The following FRMPD4 variants were observed in gnomAD, a reference collection of about 807,000 sequenced individuals.
The protein encoded by FRMPD4 is FERM and PDZ domain containing 4, also known as FERM and PDZ domain-containing protein 4.
A neutral mutation model predicts 94.1 loss-of-function variants in FRMPD4; 22 were observed. The observed-to-expected ratio is 0.23, with a 90% CI of 0.17 to 0.33. The LOEUF (loss-of-function observed/expected upper bound fraction) is 0.33, where lower values mean the gene tolerates loss of function less well. Ranked by LOEUF, FRMPD4 falls within the 10% of genes least tolerant of loss-of-function variation. The pLI is 1.00. For missense variants in FRMPD4, 1,111 were observed against 1,339.9 expected, an observed-to-expected ratio of 0.83 and a Z score of 2.67; for synonymous variants, 631 against 548.6, an observed-to-expected ratio of 1.15 and a Z score of -2.10.
intron 2 of FRMPD4, among the ~76,000 whole-genome samples, chrX:12,567,804 G>A (rs1389218340): frequency 1.8e-5 from 2 of 111,379 alleles, no homozygotes; most frequent in Non-Finnish European, 3.8e-5. Context: ...GTTCTGAAGA[G>A]CCCTGTATGC....
intron 2 of FRMPD4, among the ~76,000 whole-genome samples, chrX:12,596,261 C>T (rs1474982961): frequency 9.0e-6 from 1 of 111,211 alleles, no homozygotes; most frequent in Non-Finnish European, 1.9e-5. Context: ...ATGCTGGGCT[C>T]ACTGGTGGGG....
At position 12,716,351 on chromosome X, in the gene FRMPD4, T is replaced by C. The variant is rs754183854; in HGVS notation, c.1892T>C (p.Leu631Ser). 4 of 1,209,980 alleles carry C rather than the reference T, an allele frequency of 3.3e-6. No homozygotes were observed. The highest frequency in any genetic ancestry group is 4.5e-6 in the Non-Finnish European group (4 of 895,021). Residue 631 changes from leucine to serine, a missense_variant, in exon 15 of 17, where the codon TTG (leucine) becomes TCG (serine). By Grantham distance (145) the Leu-to-Ser change is moderately radical. Transcript: ENST00000675598. ...DYRSLAQRSL[L>S]TLSGPETLKK... ...AGAAGTCTAGCTCAGCGGTCCCTAT[T>C]GACCCTCTCAGGACCAGAAACTCTG...
intron 1 of FRMPD4, among the ~76,000 whole-genome samples, chrX:12,411,783 C>G (rs1487714943): frequency 9.0e-6 from 1 of 111,301 alleles, no homozygotes; most frequent in Non-Finnish European, 1.9e-5. Context: ...TCGTCAGTGT[C>G]ACTGCATGGT....
At chrX:12,594,769 C>T (rs1481079449) in intron 2 of FRMPD4, among the ~76,000 whole-genome samples, 2 of 111,715 alleles carry the variant, frequency 1.8e-5, no homozygotes, top group East Asian at 5.6e-4. Flanking sequence ...TTTATTCTTT[C>T]CCTGGGATTT....
chrX:12,270,417 C>A (rs1017076373), intron 1 of FRMPD4, among the ~76,000 whole-genome samples: 2 of 111,370 alleles, frequency 1.8e-5, no homozygotes, highest in African/African-American at 6.5e-5. Flanking sequence ...TTGTTAATTT[C>A]CCTTAGGGAA....
chrX:12,017,832 G>C (rs1370930267), intron 3 of FRMPD4, among the ~76,000 whole-genome samples: 1 of 111,482 alleles, frequency 9.0e-6, no homozygotes, highest in Non-Finnish European at 1.9e-5. Flanking sequence ...GGAGCTCAAG[G>C]GTTATTTTCA....
chrX:12,545,060 C>T (rs2058460015), intron 2 of FRMPD4, among the ~76,000 whole-genome samples: 1 of 111,172 alleles, frequency 9.0e-6, no homozygotes, highest in Non-Finnish European at 1.9e-5. Flanking sequence ...ATTTCCACTC[C>T]TATTGAATTC....
In FRMPD4 at chrX:12,210,690, A is replaced by T. The variant is rs377730620; in HGVS notation, c.41+71678A>T. On this transcript the variant is annotated intron_variant, in intron 1 of 16. Coordinates refer to ENST00000675598, the MANE Select transcript of FRMPD4 (RefSeq NM_001368397.1). ...TGTTCCAGAGACTCCACAGACAGTC[A>T]TCATGTGTTAATACTGGAAACTGCC... Among the ~76,000 whole-genome samples the T allele has an allele frequency of 3.6e-5, 4 of 110,559 alleles. No homozygotes were observed. The East Asian group carries it at 1.1e-3, about 31-fold the overall frequency.
chrX:12,376,262 G>C (rs2056236078), intron 1 of FRMPD4, among the ~76,000 whole-genome samples: 1 of 112,113 alleles, frequency 8.9e-6, no homozygotes, highest in African/African-American at 3.2e-5. Context: ...GATTGTCCAG[G>C]CTCCCTGTGA....
intron 3 of FRMPD4, among the ~76,000 whole-genome samples, chrX:12,074,791 C>T (rs1464261160): frequency 8.9e-6 from 1 of 112,221 alleles, no homozygotes; most frequent in East Asian, 2.8e-4. Flanking sequence ...TGCACCATGT[C>T]GAGTGACATA....
At chrX:12,230,691 A>G (rs1219705424) in intron 1 of FRMPD4, among the ~76,000 whole-genome samples, 1 of 106,968 alleles carries the variant, frequency 9.3e-6, no homozygotes, top group East Asian at 2.9e-4. Context: ...TGAACTCAGG[A>G]CATAAACCAA....
intron 3 of FRMPD4, among the ~76,000 whole-genome samples, chrX:12,048,959 G>T (rs1044344456): frequency 9.0e-6 from 1 of 111,228 alleles, no homozygotes; most frequent in Non-Finnish European, 1.9e-5. Flanking sequence ...GGATTGCTTT[G>T]TCTATTCAGG....
At chrX:12,016,570 T>C (rs1764174115) in intron 3 of FRMPD4, among the ~76,000 whole-genome samples, 3 of 112,020 alleles carry the variant, frequency 2.7e-5, no homozygotes. Flanking sequence ...TTGAGAGTTA[T>C]ACCTCTTGTC....
intron 14 of FRMPD4, 89 bp downstream of exon 14, chrX:12,710,626 G>A: frequency 1.1e-6 from 1 of 875,916 alleles, no homozygotes; most frequent in Non-Finnish European, 1.6e-6. Context: ...GAAAAGTTAA[G>A]GCCAGGCGCG....
chrX:12,673,958 TC>T (rs1174754743), intron 4 of FRMPD4, among the ~76,000 whole-genome samples: 1 of 111,686 alleles, frequency 9.0e-6, no homozygotes, highest in African/African-American at 3.3e-5. Context: ...AAGATCTCCT[TC>T]CCCTTACTTA....
chrX:12,308,319 C>A (rs1056605253), intron 1 of FRMPD4, among the ~76,000 whole-genome samples: 1 of 111,986 alleles, frequency 8.9e-6, no homozygotes, highest in Non-Finnish European at 1.9e-5. Context: ...CTGCAGTATG[C>A]AGTTTTAGGA....
At chrX:12,720,034 GGAAAGGAAAGGAAAGGAAA>G (rs1182843469) in intron 16 of FRMPD4, among the ~76,000 whole-genome samples, 351 of 31,341 alleles carry the variant, frequency 0.011, no homozygotes, top group South Asian at 0.061. Flanking sequence ...GGAAAGGAAA[GGAAAGGAAAGGAAAGGAAA>G]GAAAGAAAGA....
intron 1 of FRMPD4, among the ~76,000 whole-genome samples, chrX:12,202,643 T>C (rs939493715): frequency 8.9e-6 from 1 of 112,190 alleles, no homozygotes; most frequent in African/African-American, 3.2e-5. Context: ...AAACTCCATG[T>C]TCACCTGGTA....
chrX:12,242,976 C>T (rs2053898738), intron 1 of FRMPD4, among the ~76,000 whole-genome samples: 1 of 112,536 alleles, frequency 8.9e-6, no homozygotes, highest in Non-Finnish European at 1.9e-5. Flanking sequence ...TGGGCTCAAG[C>T]AATCCTCCTT....
Sources: allele counts gnomAD v4.1 joint callset (sites outside exome capture counted in the v4.1 genomes callset), GRCh38; gene constraint gnomAD v4.1.1; transcripts MANE v1.5; gene names NCBI Gene and HGNC (gene_info 2026-07-23, HGNC 2026-07-21).